The following ADGRL3 variants were observed in gnomAD, a reference collection of about 807,000 sequenced individuals.
The protein encoded by ADGRL3 is calcium-independent alpha-latrotoxin receptor 3.
In ADGRL3, 62 loss-of-function variants were observed where a neutral mutation model predicts 153.5. That is an observed-to-expected ratio of 0.40 (90% CI 0.33 to 0.50). The LOEUF is 0.50. Ranked by LOEUF, ADGRL3 falls within the 20% of genes least tolerant of loss-of-function variation. The pLI is 0.47. For missense variants in ADGRL3, 1,641 were observed against 1,859.4 expected, an observed-to-expected ratio of 0.88 and a Z score of 2.16; for synonymous variants, 710 against 672.5, an observed-to-expected ratio of 1.06 and a Z score of -0.86.
intron 21 of ADGRL3, among the ~76,000 whole-genome samples, chr4:62,023,194 G>T (rs894392249): frequency 6.6e-6 from 1 of 152,110 alleles, no homozygotes; most frequent in African/African-American, 2.4e-5. Context: ...CTTTAGTGGA[G>T]GAAATAACTG....
intron 15 of ADGRL3, among the ~76,000 whole-genome samples, chr4:61,938,585 A>G (rs1192217329): frequency 6.6e-6 from 1 of 152,124 alleles, no homozygotes; most frequent in Non-Finnish European, 1.5e-5. Flanking sequence ...ACTGCTGTGA[A>G]ATGTCACTGC....
chr4:61,975,592 T>C (rs550984231), intron 17 of ADGRL3, among the ~76,000 whole-genome samples: 37 of 152,260 alleles, frequency 2.4e-4, no homozygotes, highest in Admixed American at 1.8e-3. Flanking sequence ...GTGTGACTTA[T>C]ATATAAAAAG....
chr4:61,728,782 G>T (rs12644190), intron 6 of ADGRL3, among the ~76,000 whole-genome samples: 70,556 of 151,718 alleles, frequency 0.47, 16,815 homozygotes, highest in Admixed American at 0.55. Context: ...CCCAACCTCA[G>T]CCTTCGTTAT....
intron 2 of ADGRL3, among the ~76,000 whole-genome samples, chr4:61,400,559 T>C (rs2096918004): frequency 6.6e-6 from 1 of 151,842 alleles, no homozygotes. Flanking sequence ...GCTATAGTAG[T>C]CACAGCTCTT....
chr4:61,384,199 A>T (rs2096708123), intron 2 of ADGRL3, among the ~76,000 whole-genome samples: 1 of 120,622 alleles, frequency 8.3e-6, no homozygotes, highest in Admixed American at 8.3e-5. Flanking sequence ...TCTTTTAAAT[A>T]TTTTTGCTTA....
intron 13 of ADGRL3, among the ~76,000 whole-genome samples, chr4:61,922,845 A>C (rs1487209668): frequency 1.3e-5 from 2 of 152,206 alleles, no homozygotes; most frequent in African/African-American, 2.4e-5. Context: ...ATAGCCAGTA[A>C]ATCAGTCAAT....
chr4:61,318,038 G>A (rs917478017), intron 1 of ADGRL3, among the ~76,000 whole-genome samples: 2 of 151,552 alleles, frequency 1.3e-5, no homozygotes, highest in African/African-American at 2.4e-5. Context: ...TTAGCTGGGC[G>A]TGGTGGCACA....
intron 5 of ADGRL3, among the ~76,000 whole-genome samples, chr4:61,618,814 T>A (rs926471102): frequency 6.6e-6 from 1 of 152,106 alleles, no homozygotes; most frequent in Non-Finnish European, 1.5e-5. Context: ...CCTCCCTGGG[T>A]CAAGTGACAC....
At position 61,939,789 on chromosome 4, in the gene ADGRL3, C is replaced by T. The variant is rs1031694219; in HGVS notation, c.2419+3744C>T. ...GGCCAAAATTTGCCAGTTTTTAGACCTCATATAACTGGTATCATACAGTGT... is the reference window on the plus strand; with the variant it reads ...GGCCAAAATTTGCCAGTTTTTAGACTTCATATAACTGGTATCATACAGTGT... On this transcript the variant is annotated intron_variant, in intron 15 of 26. Coordinates refer to ENST00000683033, the MANE Select transcript of ADGRL3 (RefSeq NM_001387552.1). Among the ~76,000 whole-genome samples, 12 of 152,056 alleles carry T rather than the reference C, an allele frequency of 7.9e-5. 1 individual carries two copies. The highest frequency in any genetic ancestry group is 2.4e-4 in the African/African-American group (10 of 41,410).
chr4:61,868,842 T>A (rs1489012736), intron 9 of ADGRL3, among the ~76,000 whole-genome samples: 1 of 152,196 alleles, frequency 6.6e-6, no homozygotes, highest in Admixed American at 6.5e-5. Flanking sequence ...ACTTTCAGAC[T>A]CTGCTTTTGC....
chr4:61,288,472 G>A (rs946418124), intron 1 of ADGRL3, among the ~76,000 whole-genome samples: 4 of 151,902 alleles, frequency 2.6e-5, no homozygotes, highest in African/African-American at 9.7e-5. Context: ...GCTTTCAGAT[G>A]TCTTCACATC....
chr4:61,892,823 A>G lies in ADGRL3; in HGVS notation c.1648A>G (p.Thr550Ala). The change falls in exon 10 of 27, where the codon ACA becomes GCA. Residue 550 changes from threonine (T) to alanine (A), a missense_variant. Physicochemically the swap from Thr to Ala is moderately conservative, Grantham distance 58. Around this residue, in one of 5 missense-constraint regions of ADGRL3, gnomAD observed 734 missense variants for 797.0 expected, o/e 0.92. Transcript: ENST00000683033. ...PAVEVLDDMT[T>A]HLPSASSQIP... is the part of the protein sequence containing the mutation. ...TGTCGAGGTACTTGATGACATGACC[A>G]CACACCTTCCATCAGCATCGTCCCA... is the stretch of plus-strand genomic sequence containing the variant. 6.2e-7 allele frequency: 1 copy of G among 1,613,796 alleles called. No homozygotes were observed. Among genetic ancestry groups the G allele is most frequent in the Non-Finnish European group, 8.5e-7 (1 of 1,179,830 alleles).
rs1560616250 is a variant in ADGRL3, at chr4:61,428,877, C to CTAT, written c.-174+45688_-174+45689insTAT. Among the ~76,000 whole-genome samples, 280 of 131,508 alleles carry CTAT rather than the reference C, an allele frequency of 2.1e-3. 1 individual carries two copies. Among genetic ancestry groups the CTAT allele is most frequent in the East Asian group, 4.3e-3 (20 of 4,616 alleles). 86.3% of individuals were successfully genotyped at this position (131,508 alleles called of 152,430 possible). A position where few individuals can be genotyped will look rare whatever the true frequency, so the allele number is the denominator to read the frequency against. Reference sequence around the variant, plus strand: ...TATCTATCTATCTATCTATCTATATCATCTATCTATCTATATCATCTATCT... The same window carrying CTAT: ...TATCTATCTATCTATCTATCTATATCTATATCTATCTATCTATATCATCTATCT... On this transcript the variant is annotated intron_variant, in intron 2 of 26. Coordinates refer to ENST00000683033, the MANE Select transcript of ADGRL3 (RefSeq NM_001387552.1).
chr4:61,520,044 T>C (rs1030617620), intron 4 of ADGRL3, among the ~76,000 whole-genome samples: 5 of 151,890 alleles, frequency 3.3e-5, no homozygotes, highest in Admixed American at 2.0e-4. Context: ...CTTTGTTTTT[T>C]CCCCCCTTTG....
intron 6 of ADGRL3, among the ~76,000 whole-genome samples, chr4:61,703,107 C>A (rs2095797708): frequency 6.6e-6 from 1 of 151,982 alleles, no homozygotes; most frequent in South Asian, 2.1e-4. Context: ...TTTTATTATA[C>A]TATTTGTGAA....
intron 23 of ADGRL3, among the ~76,000 whole-genome samples, chr4:62,036,457 A>ATCAC (rs1725058435): frequency 6.6e-6 from 1 of 152,086 alleles, no homozygotes; most frequent in African/African-American, 2.4e-5. Context: ...CTTATCACAT[A>ATCAC]ATAAGCACTC....
chr4:61,592,187 G>T (rs752676134), intron 5 of ADGRL3, among the ~76,000 whole-genome samples: 1 of 151,920 alleles, frequency 6.6e-6, no homozygotes, highest in Non-Finnish European at 1.5e-5. Flanking sequence ...AAGATCTTGC[G>T]TTCTGCTGAA....
At chr4:61,908,431 T>C (rs574020708) in intron 11 of ADGRL3, among the ~76,000 whole-genome samples, 63 of 152,170 alleles carry the variant, frequency 4.1e-4, no homozygotes, top group African/African-American at 1.5e-3. Flanking sequence ...ACCCCATCTC[T>C]ACTAAAAATA....
intron 1 of ADGRL3, among the ~76,000 whole-genome samples, chr4:61,370,714 G>C (rs989465381): frequency 1.3e-5 from 2 of 151,456 alleles, no homozygotes; most frequent in Non-Finnish European, 3.0e-5. Flanking sequence ...CTGTTGATTT[G>C]GGGTGGAGAG....
Sources: gnomAD v4.1 joint callset for allele counts (sites outside exome capture counted in the v4.1 genomes callset) on GRCh38, gnomAD v4.1.1 for gene constraint, gnomAD v4.1.1 regional missense constraint, MANE v1.5 for transcripts, NCBI Gene and HGNC (gene_info 2026-07-23, HGNC 2026-07-21) for gene names.